Variants in KHDRBS3 observed in about 807,000 individuals in gnomAD.
KHDRBS3 encodes the protein KH domain-containing, RNA-binding, signal transduction-associated protein 3.
Under a neutral mutation model 45.6 loss-of-function variants are expected in KHDRBS3, and 23 were observed. The ratio of observed to expected loss-of-function variants is 0.50; its 90% confidence interval spans 0.36 to 0.72. The LOEUF (loss-of-function observed/expected upper bound fraction) is 0.72, where lower values mean the gene tolerates loss of function less well. KHDRBS3 is among the 30% of genes least tolerant of loss of function. KHDRBS3 has a pLI of 0.00. For synonymous variants in KHDRBS3, 162 were observed against 156.5 expected, an observed-to-expected ratio of 1.04 and a Z score of -0.26; for missense variants, 352 against 424.8, an observed-to-expected ratio of 0.83 and a Z score of 1.51.
At chr8:135,535,281 T>C in intron 2 of KHDRBS3, among the ~76,000 whole-genome samples, 1 of 131,176 alleles carries the variant, frequency 7.6e-6, no homozygotes, top group South Asian at 2.6e-4. Flanking sequence ...AGTTAAACTA[T>C]ATATAAACTA....
At chr8:135,635,059 A>G (rs1830753631) in intron 7 of KHDRBS3, among the ~76,000 whole-genome samples, 1 of 152,202 alleles carries the variant, frequency 6.6e-6, no homozygotes, top group South Asian at 2.1e-4. Context: ...ACATGCTTTA[A>G]TGTATGTGGT....
At chr8:135,551,561 A>G (rs1343312648) in intron 4 of KHDRBS3, among the ~76,000 whole-genome samples, 1 of 152,062 alleles carries the variant, frequency 6.6e-6, no homozygotes, top group Non-Finnish European at 1.5e-5. Flanking sequence ...ACATTAGTTG[A>G]TTTCAGATGT....
intron 1 of KHDRBS3, among the ~76,000 whole-genome samples, chr8:135,512,344 A>G (rs894951876): frequency 8.3e-5 from 12 of 144,354 alleles, no homozygotes; most frequent in Admixed American, 5.0e-4. Context: ...AGCATCTTAT[A>G]TGAGCTTCTC....
intron 1 of KHDRBS3, among the ~76,000 whole-genome samples, chr8:135,495,234 T>TGAAGCCC (rs1338322495): frequency 6.6e-6 from 1 of 152,240 alleles, no homozygotes; most frequent in Non-Finnish European, 1.5e-5. Flanking sequence ...ATTTCTTGGG[T>TGAAGCCC]CTCATCTCTC....
chr8:135,469,127 AT>A (rs1375845989), intron 1 of KHDRBS3, among the ~76,000 whole-genome samples: 1 of 152,206 alleles, frequency 6.6e-6, no homozygotes, highest in African/African-American at 2.4e-5. Flanking sequence ...TGGGTGAAAA[AT>A]TTCAAAATTA....
At chr8:135,655,848 T>C (rs1299302147) in intron 4 of KHDRBS3, among the ~76,000 whole-genome samples, 1 of 152,194 alleles carries the variant, frequency 6.6e-6, no homozygotes, top group African/African-American at 2.4e-5. Context: ...TTAAAATATA[T>C]CTGAAAGTTC....
chr8:135,634,547 G>A (rs1830732584), intron 7 of KHDRBS3, among the ~76,000 whole-genome samples: 1 of 152,180 alleles, frequency 6.6e-6, no homozygotes, highest in African/African-American at 2.4e-5. Context: ...TTATTTATTT[G>A]AAACTTAAGT....
intron 6 of KHDRBS3, among the ~76,000 whole-genome samples, chr8:135,593,991 G>A (rs573304180): frequency 5.3e-5 from 8 of 152,230 alleles, no homozygotes; most frequent in Non-Finnish European, 1.0e-4. Flanking sequence ...GCGCAGACTC[G>A]ATGTGATATT....
In KHDRBS3 at chr8:135,628,222, C is replaced by T. The variant is rs543353569; in HGVS notation, c.891-16837C>T. 5.3e-5 allele frequency among the ~76,000 whole-genome samples: 8 copies of T among 152,172 alleles called. No individual in the cohort carries two copies. In the East Asian group the frequency reaches 1.5e-3, roughly 29 times the overall value. On this transcript the variant is annotated intron_variant, in intron 7 of 8. Coordinates refer to ENST00000355849, the MANE Select transcript of KHDRBS3 (RefSeq NM_006558.3). ...TTCTCGGTATCATCATGTTCCATTC[C>T]CCGGTTGACACTTGTCTCACTTGTA...
chr8:135,656,260 C>T (rs187651252), exon 5 of KHDRBS3: 3 of 152,254 alleles, frequency 2.0e-5, no homozygotes, highest in Admixed American at 1.3e-4. Context: ...GCTTAAGAAC[C>T]GTCAACTCAC....
At position 135,481,223 on chromosome 8, in the gene KHDRBS3, G is replaced by GATATATATAT. The variant is rs10529846; in HGVS notation, c.88+23288_88+23297dup. On this transcript the variant is annotated intron_variant, in intron 1 of 8. Coordinates refer to ENST00000355849, the MANE Select transcript of KHDRBS3 (RefSeq NM_006558.3). ...TTCTTGTCTGATTCATGAAAGCCAC[G>GATATATATAT]ATATATATATATATATATATATATA... 8.9e-3 allele frequency among the ~76,000 whole-genome samples: 688 copies of GATATATATAT among 77,182 alleles called. 4 individuals are homozygous for GATATATATAT. Among genetic ancestry groups the GATATATATAT allele is most frequent in the Admixed American group, 0.014 (91 of 6,526 alleles). The allele number at this position is 77,182 out of a possible 152,430, so 50.6% of individuals were successfully genotyped here.
intron 1 of KHDRBS3, among the ~76,000 whole-genome samples, chr8:135,486,982 C>T (rs2130375989): frequency 6.6e-6 from 1 of 152,284 alleles, no homozygotes; most frequent in African/African-American, 2.4e-5. Flanking sequence ...TCTCTCCTAT[C>T]AGGTATTTTG....
At chr8:135,566,060 T>A (rs138213036) in intron 5 of KHDRBS3, among the ~76,000 whole-genome samples, 2 of 152,342 alleles carry the variant, frequency 1.3e-5, no homozygotes, top group East Asian at 3.9e-4. Context: ...CTGTGGCTCT[T>A]CAATGCCTCA....
At chr8:135,613,185 A>G (rs981376470) in intron 7 of KHDRBS3, among the ~76,000 whole-genome samples, 2 of 152,068 alleles carry the variant, frequency 1.3e-5, no homozygotes, top group Admixed American at 1.3e-4. Flanking sequence ...TATAGTATGC[A>G]TAAGCACATT....
chr8:135,488,068 AGT>A (rs1208644937), intron 1 of KHDRBS3, among the ~76,000 whole-genome samples: 1 of 152,202 alleles, frequency 6.6e-6, no homozygotes, highest in Non-Finnish European at 1.5e-5. Context: ...TGTATGTATA[AGT>A]GTGTATGTGG....
intron 1 of KHDRBS3, among the ~76,000 whole-genome samples, chr8:135,508,004 T>G (rs1824093657): frequency 6.6e-6 from 1 of 152,206 alleles, no homozygotes; most frequent in African/African-American, 2.4e-5. Flanking sequence ...AGTAGAATTC[T>G]TTATATAAAA....
At chr8:135,486,519 A>G (rs1369008904) in intron 1 of KHDRBS3, among the ~76,000 whole-genome samples, 1 of 152,216 alleles carries the variant, frequency 6.6e-6, no homozygotes, top group African/African-American at 2.4e-5. Flanking sequence ...TTCTAAGTGA[A>G]AAGACTGAGA....
chr8:135,601,774 T>A (rs1829226729), intron 6 of KHDRBS3, among the ~76,000 whole-genome samples: 1 of 152,188 alleles, frequency 6.6e-6, no homozygotes, highest in East Asian at 1.9e-4. Flanking sequence ...ATCTTTGACA[T>A]CCCCTTCTAT....
At chr8:135,523,108 T>C (rs1206109491) in intron 2 of KHDRBS3, among the ~76,000 whole-genome samples, 2 of 152,182 alleles carry the variant, frequency 1.3e-5, no homozygotes, top group East Asian at 1.9e-4. Flanking sequence ...TTCCTCCACC[T>C]TTGTCCTTCT....
Sources: gnomAD v4.1 joint callset for allele counts (sites outside exome capture counted in the v4.1 genomes callset) on GRCh38, gnomAD v4.1.1 for gene constraint, MANE v1.5 for transcripts, NCBI Gene and HGNC (gene_info 2026-07-23, HGNC 2026-07-21) for gene names.